ZNF583: variants seen among roughly 807,000 people sequenced by gnomAD.
The protein encoded by ZNF583 is zinc finger protein 583, also known as zinc finger protein L3-5.
A neutral mutation model predicts 55.3 loss-of-function variants in ZNF583; 30 were observed. The observed-to-expected ratio is 0.54, with a 90% CI of 0.41 to 0.74. The LOEUF is 0.74. Ranked by LOEUF, ZNF583 falls within the 30% of genes least tolerant of loss-of-function variation. ZNF583 has a pLI of 0.00. For synonymous variants in ZNF583, 208 were observed against 220.0 expected, an observed-to-expected ratio of 0.95 and a Z score of 0.48; for missense variants, 504 against 664.7, an observed-to-expected ratio of 0.76 and a Z score of 2.66.
At chr19:56,406,076 C>T (rs377298157) in intron 1 of ZNF583, among the ~76,000 whole-genome samples, 1 of 152,200 alleles carries the variant, frequency 6.6e-6, no homozygotes, top group Non-Finnish European at 1.5e-5. Context: ...TCCTCCCTCC[C>T]TCTCTCCTTC....
In ZNF583 at chr19:56,423,813, T is replaced by C. The variant is rs773170155; in HGVS notation, c.1155T>C (p.Cys385=). Residue 385 remains cysteine, a synonymous_variant, in exon 5 of 5, where the codon TGT becomes TGC. Transcript: ENST00000333201. ...AGAGACCCTACGAATGTAAGGAATG[T>C]AGGAAAGCCTTCAGCCAGTATGCAC... ...TGERPYECKE[C]RKAFSQYAHL... is the part of the protein sequence containing the mutation. 6.2e-6 allele frequency: 10 copies of C among 1,613,736 alleles called. No individual in the cohort carries two copies. In the Admixed American group the frequency reaches 1.5e-4, roughly 24 times the overall value.
rs1238440499 is a variant in ZNF583 at position 56,425,096 on chromosome 19, G to C, written c.*728G>C. 6.6e-6 allele frequency: 1 copy of C among 151,956 alleles called. No homozygotes were observed. The highest frequency in any genetic ancestry group is 2.4e-5 in the African/African-American group (1 of 41,362). 9.4% of individuals were successfully genotyped at this position (151,956 alleles called of 1,614,324 possible). On this transcript the variant is annotated 3_prime_UTR_variant, in exon 5 of 5. Transcript: ENST00000333201. Reference sequence around the variant, plus strand: ...GGTAGGCATTTTTCTAAAAGTAGGTGAGGAGGGTATCTAACAGTAGGATTT... The same window carrying C: ...GGTAGGCATTTTTCTAAAAGTAGGTCAGGAGGGTATCTAACAGTAGGATTT...
At chr19:56,422,824 T>G (rs963988774) in intron 4 of ZNF583, 67 bp from the exon 5 acceptor site, 1 of 1,239,248 alleles carries the variant, frequency 8.1e-7, no homozygotes, top group Admixed American at 2.7e-5. Context: ...TTTATTCACG[T>G]TTTTGTTTTA....
In ZNF583 at chr19:56,406,726, C is replaced by A. The variant is rs186420756; in HGVS notation, c.-89-300C>A. 4.9e-3 allele frequency among the ~76,000 whole-genome samples: 742 copies of A among 151,942 alleles called. 5 individuals are homozygous for A. The highest frequency in any genetic ancestry group is 0.015 in the African/African-American group (634 of 41,470). Reference sequence around the variant, plus strand: ...TATTTTTTAGTAGAGACGGGGTTTCCCCGTGTTAGCCAGGATGGTCTCGAT... The same window carrying A: ...TATTTTTTAGTAGAGACGGGGTTTCACCGTGTTAGCCAGGATGGTCTCGAT... On this transcript the variant is annotated intron_variant, in intron 1 of 4. Coordinates refer to ENST00000333201, the MANE Select transcript of ZNF583 (RefSeq NM_152478.3).
intron 4 of ZNF583, among the ~76,000 whole-genome samples, chr19:56,422,421 C>T (rs578213118): frequency 3.3e-5 from 5 of 152,186 alleles, no homozygotes; most frequent in African/African-American, 1.2e-4. Context: ...GATGTTTACC[C>T]ATAGAGTTTT....
intron 4 of ZNF583, among the ~76,000 whole-genome samples, chr19:56,417,484 T>C (rs2042346207): frequency 6.6e-6 from 1 of 152,246 alleles, no homozygotes; most frequent in Non-Finnish European, 1.5e-5. Context: ...ATGAAAACTT[T>C]GTTCAAACAT....
rs114333452 is a variant in ZNF583, at chr19:56,421,182, G to A, written c.233-1709G>A. 4.1e-3 allele frequency among the ~76,000 whole-genome samples: 624 copies of A among 152,224 alleles called. 5 individuals are homozygous for A. The highest frequency in any genetic ancestry group is 0.014 in the African/African-American group (599 of 41,534). ...TCAAAAACTCTGTGTGTGGGGTATA[G>A]CAATCTGTAGTTTAGCAAGTTTTAT... On this transcript the variant is annotated intron_variant, in intron 4 of 4. Coordinates refer to ENST00000333201, the MANE Select transcript of ZNF583 (RefSeq NM_152478.3).
At chr19:56,414,116 G>T in intron 3 of ZNF583, 31 bp downstream of exon 3, 1 of 1,562,582 alleles carries the variant, frequency 6.4e-7, no homozygotes, top group Non-Finnish European at 8.6e-7. Context: ...TTCAGAATCT[G>T]TACATGGGAC....
rs750918639 is a variant in ZNF583, at chr19:56,407,097, T to C, written c.-18T>C. The C allele has an allele frequency of 3.7e-6, 6 of 1,614,128 alleles. No individual in the cohort carries two copies. Among genetic ancestry groups the C allele is most frequent in the Non-Finnish European group, 5.1e-6 (6 of 1,179,992 alleles). On this transcript the variant is annotated 5_prime_UTR_variant, in exon 2 of 5. Transcript: ENST00000333201. Reference sequence around the variant, plus strand: ...GAGTAGGACAGAAGAACTGTCAAATTCTGGAATCCTTAAAGCCATGTCCAA... The same window carrying C: ...GAGTAGGACAGAAGAACTGTCAAATCCTGGAATCCTTAAAGCCATGTCCAA...
rs1427373568 is a variant in ZNF583, at chr19:56,404,925, CTGTG to C, written c.-90+480_-90+483del. Among the ~76,000 whole-genome samples the C allele has an allele frequency of 6.6e-6, 1 of 151,946 alleles. No individual in the cohort carries two copies. Among genetic ancestry groups the C allele is most frequent in the African/African-American group, 2.4e-5 (1 of 41,374 alleles). On this transcript the variant is annotated intron_variant, in intron 1 of 4. Coordinates refer to ENST00000333201, the MANE Select transcript of ZNF583 (RefSeq NM_152478.3). This position sits in a 1 kb window ranked among gnomAD's most constrained non-coding sequence, Gnocchi z 5.2. ...GTGAACAGTGTGTAAGACCATGTCACTGTGTGTGTGACCTGTGTGTGTGGGATAA... is the reference window on the plus strand; with the variant it reads ...GTGAACAGTGTGTAAGACCATGTCACTGTGTGACCTGTGTGTGTGGGATAA...
chr19:56,412,656 T>C lies in ZNF583; in HGVS notation c.10-1303T>C, dbSNP rs539297694. On this transcript the variant is annotated intron_variant, in intron 2 of 4. Coordinates refer to ENST00000333201, the MANE Select transcript of ZNF583 (RefSeq NM_152478.3). ...ACAACTTAGTGGGGTTATCAAGAGC[T>C]GTTAGGCAATCATTTGTCGCCTCTT... 2.6e-5 allele frequency among the ~76,000 whole-genome samples: 4 copies of C among 152,364 alleles called. No homozygotes were observed. In the East Asian group the frequency reaches 7.7e-4, roughly 29 times the overall value.
chr19:56,422,822 C>T (rs2042436844), intron 4 of ZNF583, 69 bp from the exon 5 acceptor site: 12 of 1,186,676 alleles, frequency 1.0e-5, no homozygotes, highest in South Asian at 4.9e-5. Flanking sequence ...ATTTTATTCA[C>T]GTTTTTGTTT....
chr19:56,411,591 A>C (rs948416368), intron 2 of ZNF583, among the ~76,000 whole-genome samples: 2 of 152,236 alleles, frequency 1.3e-5, no homozygotes, highest in Non-Finnish European at 2.9e-5. Context: ...TCCCGCACAA[A>C]ATTTTAAAGA....
chr19:56,416,876 A>G (rs1448213298), intron 4 of ZNF583, among the ~76,000 whole-genome samples: 2 of 152,120 alleles, frequency 1.3e-5, no homozygotes, highest in Non-Finnish European at 2.9e-5. Flanking sequence ...TCACCCCAAA[A>G]GATTGCGTGT....
chr19:56,422,471 T>C (rs993601321), intron 4 of ZNF583, among the ~76,000 whole-genome samples: 1 of 152,180 alleles, frequency 6.6e-6, no homozygotes, highest in Non-Finnish European at 1.5e-5. Context: ...ACATGTATCC[T>C]AATAAGGATA....
At chr19:56,420,281 G>C (rs764332628) in intron 4 of ZNF583, among the ~76,000 whole-genome samples, 1 of 152,168 alleles carries the variant, frequency 6.6e-6, no homozygotes, top group Non-Finnish European at 1.5e-5. Context: ...GTTGAGGTTA[G>C]AGAGCATACT....
chr19:56,407,591 G>A (rs1399550858), intron 2 of ZNF583, among the ~76,000 whole-genome samples: 4 of 152,202 alleles, frequency 2.6e-5, no homozygotes, highest in Non-Finnish European at 5.9e-5. Flanking sequence ...AGTGAGATGT[G>A]TTGAGTCTTG....
At chr19:56,406,675 C>T (rs1029457931) in intron 1 of ZNF583, among the ~76,000 whole-genome samples, 6 of 151,866 alleles carry the variant, frequency 4.0e-5, no homozygotes, top group East Asian at 1.9e-4. Flanking sequence ...TACAGGCGCC[C>T]GCCACCACAC....
Position 56,422,977 on chromosome 19 carries a change from A to G in ZNF583, c.319A>G (p.Arg107Gly). 1 of 1,613,950 alleles carries G rather than the reference A, an allele frequency of 6.2e-7. No homozygotes were observed. The highest frequency in any genetic ancestry group is 8.5e-7 in the Non-Finnish European group (1 of 1,179,878). ...ATCCAAAGTTGTGACAGTGGGAGCA[A>G]GACATCTTAGTTATAGCCTTGACTA... ...ESSKVVTVGARHLSYSLDYPS... is the reference protein window; with the variant it reads ...ESSKVVTVGAGHLSYSLDYPS... The change falls in exon 5 of 5, where the codon AGA (arginine) becomes GGA (glycine). Residue 107 changes from arginine to glycine, a missense_variant. Around this residue, in one of 3 missense-constraint regions of ZNF583, gnomAD observed 204 missense variants for 235.2 expected, o/e 0.87. Coordinates refer to ENST00000333201, the MANE Select transcript of ZNF583 (RefSeq NM_152478.3).
Sources: gnomAD v4.1 joint callset for allele counts (sites outside exome capture counted in the v4.1 genomes callset) on GRCh38, gnomAD v4.1.1 for gene constraint, gnomAD v4.1.1 regional missense constraint, Gnocchi (gnomAD v3.1) non-coding constraint, MANE v1.5 for transcripts, NCBI Gene and HGNC (gene_info 2026-07-23, HGNC 2026-07-21) for gene names.